Variants in CTNNA3 observed in about 807,000 individuals in gnomAD.
CTNNA3 encodes catenin alpha-3.
A neutral mutation model predicts 95.7 loss-of-function variants in CTNNA3; 76 were observed. The observed-to-expected ratio is 0.79, with a 90% CI of 0.66 to 0.96. The LOEUF (loss-of-function observed/expected upper bound fraction) is 0.96. Ranked by LOEUF, CTNNA3 falls within the 40% of genes least tolerant of loss-of-function variation. CTNNA3 has a pLI of 0.00. For synonymous variants in CTNNA3, 431 were observed against 374.4 expected (o/e 1.15, Z -1.74); for missense variants, 1,191 against 1,089.8 (o/e 1.09, Z -1.31).
chr10:66,656,529 T>A (rs1846079320), intron 9 of CTNNA3, among the ~76,000 whole-genome samples: 2 of 152,180 alleles, frequency 1.3e-5, no homozygotes, highest in South Asian at 4.1e-4. Context: ...TATACATAGG[T>A]GAGAGAGGAC....
chr10:66,407,769 C>T lies in CTNNA3; in HGVS notation c.1532-28417G>A, dbSNP rs563347306. 9.6e-4 allele frequency among the ~76,000 whole-genome samples: 146 copies of T among 152,078 alleles called. 1 individual carries two copies. Among genetic ancestry groups the T allele is most frequent in the South Asian group, 3.7e-3 (18 of 4,814 alleles). ...CTAATTTTTGTATTTTTAATAGAGA[C>T]GGGGTTTCACCATCTTGGCCAGGCT... On this transcript the variant is annotated intron_variant, in intron 11 of 17. Coordinates refer to ENST00000433211, the MANE Select transcript of CTNNA3 (RefSeq NM_013266.4).
chr10:67,727,147 TTATA>T (rs1180724093), intron 1 of CTNNA3, among the ~76,000 whole-genome samples: 1 of 121,804 alleles, frequency 8.2e-6, no homozygotes, highest in Non-Finnish European at 1.6e-5. Flanking sequence ...GATACATATA[TTATA>T]TAATTATATA....
At chr10:66,369,370 G>C (rs1564904354) in intron 12 of CTNNA3, among the ~76,000 whole-genome samples, 1 of 152,102 alleles carries the variant, frequency 6.6e-6, no homozygotes, top group Non-Finnish European at 1.5e-5. Flanking sequence ...TGGTTAACTG[G>C]ACACCTGATC....
chr10:66,189,748 A>G (rs2086568929), intron 13 of CTNNA3, among the ~76,000 whole-genome samples: 2 of 151,554 alleles, frequency 1.3e-5, no homozygotes, highest in African/African-American at 4.8e-5. Context: ...CTGTATTTTT[A>G]TATTTAGGTA....
At chr10:66,103,273 G>C in intron 13 of CTNNA3, 24 bp from the exon 14 acceptor site, 1 of 1,546,706 alleles carries the variant, frequency 6.5e-7, no homozygotes, top group Non-Finnish European at 8.9e-7. Context: ...GCAAAACATT[G>C]CTAGTGGGAA....
chr10:67,384,681 G>A (rs1459707698), intron 5 of CTNNA3, among the ~76,000 whole-genome samples: 1 of 152,158 alleles, frequency 6.6e-6, no homozygotes, highest in African/African-American at 2.4e-5. Flanking sequence ...ATAAAACTCT[G>A]AGCCAGTGAA....
chr10:67,471,223 A>C (rs1449615024), intron 5 of CTNNA3, among the ~76,000 whole-genome samples: 1 of 152,218 alleles, frequency 6.6e-6, no homozygotes, highest in African/African-American at 2.4e-5. Flanking sequence ...GGTAGATACC[A>C]ATAGCACTCA....
chr10:65,973,843 C>G (rs924354951), intron 16 of CTNNA3, among the ~76,000 whole-genome samples: 1 of 152,034 alleles, frequency 6.6e-6, no homozygotes, highest in African/African-American at 2.4e-5. Flanking sequence ...CCCCTATTAC[C>G]CAAACACCTC....
At chr10:66,013,646 T>C (rs2079044639) in intron 15 of CTNNA3, among the ~76,000 whole-genome samples, 1 of 152,240 alleles carries the variant, frequency 6.6e-6, no homozygotes, top group East Asian at 1.9e-4. Flanking sequence ...TTTCTATTGA[T>C]ATAAATTATT....
chr10:66,578,895 A>G (rs1317521951), intron 10 of CTNNA3, among the ~76,000 whole-genome samples: 1 of 151,130 alleles, frequency 6.6e-6, no homozygotes, highest in African/African-American at 2.4e-5. Flanking sequence ...TTTTGGAATA[A>G]TTTCAGTAGG....
intron 3 of CTNNA3, among the ~76,000 whole-genome samples, chr10:67,581,330 T>C (rs1444258581): frequency 1.3e-5 from 2 of 152,216 alleles, no homozygotes; most frequent in African/African-American, 4.8e-5. Context: ...GTGGTTTTTG[T>C]CTTTGGTTCT....
At chr10:66,721,002 A>G (rs547525968) in intron 9 of CTNNA3, among the ~76,000 whole-genome samples, 1 of 152,196 alleles carries the variant, frequency 6.6e-6, no homozygotes, top group Non-Finnish European at 1.5e-5. Context: ...GCCTCGGGGC[A>G]GACCCACAAA....
intron 13 of CTNNA3, among the ~76,000 whole-genome samples, chr10:66,226,382 G>A (rs1157195950): frequency 6.6e-6 from 1 of 151,936 alleles, no homozygotes; most frequent in Admixed American, 6.6e-5. Context: ...ATTTATTTCT[G>A]GGTTCTCTAT....
intron 7 of CTNNA3, among the ~76,000 whole-genome samples, chr10:66,844,368 A>G (rs1843175985): frequency 6.6e-6 from 1 of 152,196 alleles, no homozygotes; most frequent in Non-Finnish European, 1.5e-5. Context: ...ATTAGTCATT[A>G]TTTGCTAACA....
chr10:66,983,796 G>C (rs1472720438), intron 7 of CTNNA3, among the ~76,000 whole-genome samples: 1 of 152,148 alleles, frequency 6.6e-6, no homozygotes, highest in African/African-American at 2.4e-5. Context: ...AAATTTTGCT[G>C]TTAAAATGTA....
chr10:67,641,048 T>C (rs1839511967), intron 2 of CTNNA3, among the ~76,000 whole-genome samples: 1 of 152,100 alleles, frequency 6.6e-6, no homozygotes. Context: ...CAAAAGAAAC[T>C]ACCATCAGAG....
chr10:66,703,012 T>G (rs2132578461), intron 9 of CTNNA3, among the ~76,000 whole-genome samples: 1 of 152,298 alleles, frequency 6.6e-6, no homozygotes, highest in Non-Finnish European at 1.5e-5. Flanking sequence ...ATCTCATTAT[T>G]GATGTTAAAA....
In CTNNA3 at chr10:66,763,341, C is replaced by CACACAGAGAGAGAGAG. The variant is rs371974709; in HGVS notation, c.1281+2922_1281+2923insCTCTCTCTCTCTGTGT. 1.2e-4 allele frequency among the ~76,000 whole-genome samples: 17 copies of CACACAGAGAGAGAGAG among 139,210 alleles called. 1 individual carries two copies. Among genetic ancestry groups the CACACAGAGAGAGAGAG allele is most frequent in the South Asian group, 4.8e-4 (2 of 4,170 alleles). 91.3% of individuals were successfully genotyped at this position (139,210 alleles called of 152,430 possible). On this transcript the variant is annotated intron_variant, in intron 9 of 17. Transcript: ENST00000433211. ...ACACACACACACACACACACACACA[C>CACACAGAGAGAGAGAG]AGAGAGAGAGAGGGAGAGAGAGAGA... is the stretch of plus-strand genomic sequence containing the variant.
chr10:66,989,846 T>C (rs1850944927), intron 7 of CTNNA3, among the ~76,000 whole-genome samples: 1 of 152,074 alleles, frequency 6.6e-6, no homozygotes, highest in African/African-American at 2.4e-5. Flanking sequence ...CTAGAGTAGA[T>C]CTCAAAGAAC....
Sources: gnomAD v4.1 joint callset for allele counts (sites outside exome capture counted in the v4.1 genomes callset) on GRCh38, gnomAD v4.1.1 for gene constraint, MANE v1.5 for transcripts, NCBI Gene and HGNC (gene_info 2026-07-23, HGNC 2026-07-21) for gene names.